CSMD1: variants seen among roughly 807,000 people sequenced by gnomAD.
CSMD1 encodes the protein CUB and Sushi multiple domains 1.
A neutral mutation model predicts 417.5 loss-of-function variants in CSMD1; 213 were observed. That is an observed-to-expected ratio of 0.51 (90% confidence interval 0.46 to 0.57). The LOEUF is 0.57. Ranked by LOEUF, CSMD1 falls within the 20% of genes least tolerant of loss-of-function variation. The probability of loss-of-function intolerance (pLI) is 0.00; values close to 1 mark genes in which losing one functional copy is unlikely to be tolerated. For missense variants in CSMD1, 6,923 were observed against 4,529.7 expected (o/e 1.53, Z -15.17); for synonymous variants, 2,862 against 1,736.8 (o/e 1.65, Z -16.11).
intron 1 of CSMD1, among the ~76,000 whole-genome samples, chr8:4,653,038 C>G (rs768476040): frequency 6.6e-6 from 1 of 152,028 alleles, no homozygotes; most frequent in Non-Finnish European, 1.5e-5. Flanking sequence ...CAGATAGGTA[C>G]CTGTCCTCAG....
intron 5 of CSMD1, among the ~76,000 whole-genome samples, chr8:3,863,395 C>CAAAAA (rs35446566): frequency 4.4e-5 from 4 of 90,316 alleles, no homozygotes; most frequent in African/African-American, 1.1e-4. Flanking sequence ...ATACTCTGCT[C>CAAAAA]AAAAAAAAAA....
At chr8:4,851,261 T>C (rs950812013) in intron 1 of CSMD1, among the ~76,000 whole-genome samples, 2 of 151,996 alleles carry the variant, frequency 1.3e-5, no homozygotes, top group South Asian at 2.1e-4. Flanking sequence ...TCCATGTCCC[T>C]ACAAAGGACA....
intron 41 of CSMD1, among the ~76,000 whole-genome samples, chr8:3,140,349 G>GTC (rs10666539): frequency 0.58 from 87,205 of 150,610 alleles, 25,784 homozygotes; most frequent in Non-Finnish European, 0.67. Context: ...CTCTCTCTCT[G>GTC]TCTCTCTCTC....
intron 3 of CSMD1, among the ~76,000 whole-genome samples, chr8:4,310,164 T>C (rs1798481584): frequency 6.6e-6 from 1 of 152,160 alleles, no homozygotes; most frequent in Non-Finnish European, 1.5e-5. Context: ...CACCCAGGTA[T>C]TGCATCAGAC....
At chr8:4,549,869 C>G (rs1232639113) in intron 2 of CSMD1, among the ~76,000 whole-genome samples, 1 of 132,564 alleles carries the variant, frequency 7.5e-6, no homozygotes, top group African/African-American at 2.9e-5. Context: ...TGCACTCCAG[C>G]CAGAGTGACA....
At chr8:4,702,920 A>T (rs921971164) in intron 1 of CSMD1, among the ~76,000 whole-genome samples, 10 of 152,194 alleles carry the variant, frequency 6.6e-5, no homozygotes, top group African/African-American at 2.4e-4. Context: ...TAGACTGTAG[A>T]CTTCTAAAAT....
intron 8 of CSMD1, among the ~76,000 whole-genome samples, chr8:3,607,714 G>A (rs776821922): frequency 1.3e-5 from 2 of 152,182 alleles, no homozygotes; most frequent in Admixed American, 1.3e-4. Flanking sequence ...ATTTTACGGA[G>A]AACTATTCCA....
At chr8:4,106,227 G>C (rs1025931258) in intron 3 of CSMD1, among the ~76,000 whole-genome samples, 18 of 152,220 alleles carry the variant, frequency 1.2e-4, no homozygotes, top group African/African-American at 3.9e-4. Flanking sequence ...GGGTCAGGGA[G>C]TGATCTATAA....
intron 2 of CSMD1, among the ~76,000 whole-genome samples, chr8:4,521,010 C>T (rs1010481558): frequency 6.6e-6 from 1 of 152,144 alleles, no homozygotes; most frequent in African/African-American, 2.4e-5. Context: ...CTGTTGCCCA[C>T]TGCTGTTTCA....
At chr8:3,732,893 A>C (rs1365746696) in intron 6 of CSMD1, among the ~76,000 whole-genome samples, 1 of 152,036 alleles carries the variant, frequency 6.6e-6, no homozygotes, top group Non-Finnish European at 1.5e-5. Flanking sequence ...CCATCCATCT[A>C]TCATCTATCT....
intron 1 of CSMD1, among the ~76,000 whole-genome samples, chr8:4,949,257 AGAGTGGCCT>A (rs1808574344): frequency 6.6e-6 from 1 of 152,116 alleles, no homozygotes; most frequent in African/African-American, 2.4e-5. Context: ...TTCATAAATG[AGAGTGGCCT>A]GGGATTGTCC....
At chr8:4,064,901 C>T (rs1042978495) in intron 3 of CSMD1, among the ~76,000 whole-genome samples, 1 of 150,638 alleles carries the variant, frequency 6.6e-6, no homozygotes, top group Non-Finnish European at 1.5e-5. Context: ...ACAAAGTGGT[C>T]AATTCCATTG....
intron 5 of CSMD1, among the ~76,000 whole-genome samples, chr8:3,854,837 G>C (rs538454154): frequency 2.6e-5 from 4 of 152,012 alleles, no homozygotes; most frequent in African/African-American, 9.6e-5. Context: ...AACAAAAACA[G>C]GGAATTGTTA....
chr8:4,669,479 C>A (rs2725058), intron 1 of CSMD1, among the ~76,000 whole-genome samples: 113,594 of 152,026 alleles, frequency 0.75, 43,153 homozygotes, highest in African/African-American at 0.88. Context: ...ATGTGGACAA[C>A]CGTATCTAGT....
chr8:4,390,121 T>A (rs1803742720), intron 3 of CSMD1, among the ~76,000 whole-genome samples: 1 of 152,250 alleles, frequency 6.6e-6, no homozygotes, highest in African/African-American at 2.4e-5. Context: ...TAATTTTTAA[T>A]GCTCAGCAAT....
chr8:3,849,460 T>C (rs1803734710), intron 5 of CSMD1, among the ~76,000 whole-genome samples: 1 of 152,188 alleles, frequency 6.6e-6, no homozygotes, highest in Non-Finnish European at 1.5e-5. Context: ...TGGCGGTTAC[T>C]CCTTTTAGTT....
intron 1 of CSMD1, among the ~76,000 whole-genome samples, chr8:4,969,714 C>T (rs1025517419): frequency 4.6e-4 from 70 of 152,018 alleles, no homozygotes; most frequent in African/African-American, 1.7e-3. Flanking sequence ...CTGCGGCTGG[C>T]TTTCTCTTCC....
chr8:3,355,250 T>C (rs1808704552), intron 21 of CSMD1, among the ~76,000 whole-genome samples: 1 of 152,166 alleles, frequency 6.6e-6, no homozygotes, highest in Non-Finnish European at 1.5e-5. Flanking sequence ...GATGTATACA[T>C]ACAGCCCTTT....
intron 1 of CSMD1, among the ~76,000 whole-genome samples, chr8:4,736,754 A>G (rs1257369009): frequency 6.6e-6 from 1 of 152,222 alleles, no homozygotes; most frequent in Non-Finnish European, 1.5e-5. Flanking sequence ...CTTTGGAAGC[A>G]GGTTTCATGT....
Sources: allele counts gnomAD v4.1 joint callset (sites outside exome capture counted in the v4.1 genomes callset), GRCh38; gene constraint gnomAD v4.1.1; transcripts MANE v1.5; gene names NCBI Gene and HGNC (gene_info 2026-07-23, HGNC 2026-07-21).